The following CPM variants were observed in gnomAD, a reference collection of about 807,000 sequenced individuals.
CPM encodes the protein renal carboxypeptidase.
A neutral mutation model predicts 46.4 loss-of-function variants in CPM; 35 were observed. The ratio of observed to expected loss-of-function variants is 0.75; its 90% confidence interval spans 0.58 to 1.00. CPM has a LOEUF of 1.00. Ranked by LOEUF, CPM falls within the 50% of genes least tolerant of loss-of-function variation. The pLI, the probability that CPM is intolerant of heterozygous loss-of-function variation, is 0.00. For missense variants in CPM, 422 were observed against 530.4 expected (o/e 0.80, Z 2.01); for synonymous variants, 195 against 195.3 (o/e 1.00, Z 0.01).
At position 68,851,812 on chromosome 12, in the gene CPM, A is replaced by G. The variant is rs181245135; in HGVS notation, c.*4625T>C. 1.3e-5 allele frequency: 2 copies of G among 152,296 alleles called. No homozygotes were observed. Among genetic ancestry groups the G allele is most frequent in the Admixed American group, 1.3e-4 (2 of 15,296 alleles). 9.4% of individuals were successfully genotyped at this position (152,296 alleles called of 1,614,324 possible). On this transcript the variant is annotated 3_prime_UTR_variant, in exon 9 of 9. Coordinates refer to ENST00000551568, the MANE Select transcript of CPM (RefSeq NM_198320.5). ...TTCTACTTTAGCTACAGTACTGTGG[A>G]CTTTCAATGCTCTTTAACTAGTCTG...
intron 4 of CPM, among the ~76,000 whole-genome samples, chr12:68,870,942 G>A (rs1176077076): frequency 2.0e-5 from 3 of 152,190 alleles, no homozygotes; most frequent in African/African-American, 7.2e-5. Context: ...ACATTACACA[G>A]AAGTACTTGT....
At chr12:68,960,588 C>A (rs932194563) in intron 1 of CPM, among the ~76,000 whole-genome samples, 4 of 152,304 alleles carry the variant, frequency 2.6e-5, no homozygotes, top group East Asian at 3.9e-4. Flanking sequence ...CCTAGAACAT[C>A]ATATTTTGAG....
At chr12:68,959,946 T>C (rs1193037609) in intron 1 of CPM, among the ~76,000 whole-genome samples, 1 of 152,240 alleles carries the variant, frequency 6.6e-6, no homozygotes. Flanking sequence ...TAAAACTCAC[T>C]AAAACATACA....
At chr12:68,847,210 A>ATATATATATATATATATATATG (rs1565756805), downstream of CPM, 37 of 135,114 alleles carry the variant, frequency 2.7e-4, 3 homozygotes, top group African/African-American at 1.1e-3. Context: ...ATATATATAT[A>ATATATATATATATATATATATG]TACTTTTTTT....
At chr12:68,864,030 C>G (rs565915738) in intron 7 of CPM, among the ~76,000 whole-genome samples, 2 of 152,222 alleles carry the variant, frequency 1.3e-5, no homozygotes, top group African/African-American at 4.8e-5. Context: ...ATTATTAAAC[C>G]ATGTTATGCA....
At chr12:68,889,524 G>A (rs564477148) in intron 2 of CPM, among the ~76,000 whole-genome samples, 47 of 152,196 alleles carry the variant, frequency 3.1e-4, no homozygotes, top group Admixed American at 1.1e-3. Context: ...AGCATATAAA[G>A]CCTTAAATTA....
intron 2 of CPM, among the ~76,000 whole-genome samples, chr12:68,916,820 G>A (rs1328996121): frequency 2.6e-5 from 4 of 151,350 alleles, no homozygotes; most frequent in Admixed American, 6.6e-5. Flanking sequence ...CTCAGGAAGC[G>A]GAGGTTGCAG....
intron 1 of CPM, among the ~76,000 whole-genome samples, chr12:68,945,042 C>T (rs1169024723): frequency 1.3e-5 from 2 of 152,022 alleles, no homozygotes; most frequent in Non-Finnish European, 2.9e-5. Context: ...TTAAGTTCTA[C>T]AGTAGTGATG....
At chr12:68,961,815 TAA>T (rs77852303) in intron 1 of CPM, among the ~76,000 whole-genome samples, 5,886 of 151,992 alleles carry the variant, frequency 0.039, 166 homozygotes, top group East Asian at 0.09. Context: ...AAAGCCATCA[TAA>T]GTCTATTTAA....
intron 3 of CPM, among the ~76,000 whole-genome samples, chr12:68,876,895 T>TGC (rs979712140): frequency 8.6e-6 from 1 of 116,550 alleles, no homozygotes; most frequent in Non-Finnish European, 1.6e-5. Flanking sequence ...CGCGCATGCG[T>TGC]GTGTGTGTGT....
intron 7 of CPM, among the ~76,000 whole-genome samples, chr12:68,865,733 C>A (rs2136224956): frequency 6.6e-6 from 1 of 152,242 alleles, no homozygotes; most frequent in South Asian, 2.1e-4. Context: ...AGAAAGATAA[C>A]TTCACCTCTG....
exon 6 of CPM, chr12:68,842,238 C>T (rs1398204618): frequency 2.0e-6 from 1 of 497,866 alleles, no homozygotes; most frequent in East Asian, 4.6e-5. Flanking sequence ...TTATAATGAA[C>T]AAATTCAAGA....
chr12:68,897,910 A>G (rs2136274069), intron 2 of CPM, among the ~76,000 whole-genome samples: 1 of 152,158 alleles, frequency 6.6e-6, no homozygotes, highest in Non-Finnish European at 1.5e-5. Context: ...GCAGTGGTGC[A>G]ATCATGGCTC....
chr12:68,950,637 C>T (rs1241688525), intron 1 of CPM, among the ~76,000 whole-genome samples: 2 of 152,184 alleles, frequency 1.3e-5, no homozygotes, highest in Non-Finnish European at 2.9e-5. Flanking sequence ...TCTCTGCTGG[C>T]TCACCTGACA....
chr12:68,950,984 A>G (rs1299727722), intron 1 of CPM, among the ~76,000 whole-genome samples: 2 of 152,216 alleles, frequency 1.3e-5, no homozygotes, highest in African/African-American at 2.4e-5. Flanking sequence ...ATGATCTCCC[A>G]CAATTGCATA....
At chr12:68,859,821 C>T (rs1276093604) in intron 7 of CPM, among the ~76,000 whole-genome samples, 1 of 152,190 alleles carries the variant, frequency 6.6e-6, no homozygotes, top group Non-Finnish European at 1.5e-5. Context: ...TTCAGGAGTA[C>T]AATTTTTAAA....
chr12:68,897,257 A>AT (rs1886909693), intron 2 of CPM, among the ~76,000 whole-genome samples: 2 of 151,256 alleles, frequency 1.3e-5, no homozygotes, highest in Admixed American at 1.3e-4. Flanking sequence ...TAATTCTTCC[A>AT]TGTTCCCCTT....
intron 3 of CPM, among the ~76,000 whole-genome samples, chr12:68,879,614 C>T (rs1477668275): frequency 1.3e-5 from 2 of 152,138 alleles, no homozygotes; most frequent in Non-Finnish European, 2.9e-5. Context: ...ATCTCCCCAG[C>T]TTGACCTCCC....
At chr12:68,864,352 G>C (rs1313817615) in intron 7 of CPM, among the ~76,000 whole-genome samples, 2 of 152,088 alleles carry the variant, frequency 1.3e-5, no homozygotes, top group South Asian at 2.1e-4. Context: ...CTGAGTGGGA[G>C]AATCACATGA....
Sources: allele counts gnomAD v4.1 joint callset (sites outside exome capture counted in the v4.1 genomes callset), GRCh38; gene constraint gnomAD v4.1.1; transcripts MANE v1.5; gene names NCBI Gene and HGNC (gene_info 2026-07-23, HGNC 2026-07-21).